TMC1: variants seen among roughly 807,000 people sequenced by gnomAD.
TMC1 encodes the protein transmembrane channel like 1, also known as transmembrane channel-like protein 1.
TMC1 carries 84 observed loss-of-function variants against 105.8 expected under a neutral mutation model. That is an observed-to-expected ratio of 0.79 (90% confidence interval 0.67 to 0.95). The LOEUF is 0.95. TMC1 is among the 40% of genes least tolerant of loss of function. The pLI is 0.00. For synonymous variants in TMC1, 315 were observed against 311.5 expected, an observed-to-expected ratio of 1.01 and a Z score of -0.12; for missense variants, 817 against 914.1, an observed-to-expected ratio of 0.89 and a Z score of 1.37.
intron 2 of TMC1, among the ~76,000 whole-genome samples, chr9:72,612,204 T>G (rs1191602716): frequency 6.6e-6 from 1 of 152,150 alleles, no homozygotes; most frequent in Non-Finnish European, 1.5e-5. Flanking sequence ...CTATATCTGT[T>G]CAATTGCCTA....
At chr9:72,600,784 G>A (rs765477810) in intron 2 of TMC1, among the ~76,000 whole-genome samples, 47 of 151,916 alleles carry the variant, frequency 3.1e-4, no homozygotes, top group African/African-American at 1.1e-3. Context: ...TCCTATGAGC[G>A]TGGTTCTCAA....
intron 1 of TMC1, among the ~76,000 whole-genome samples, chr9:72,557,458 C>G (rs1823962530): frequency 6.6e-6 from 1 of 152,142 alleles, no homozygotes; most frequent in Non-Finnish European, 1.5e-5. Flanking sequence ...CTCTACTGTT[C>G]TAAAAAACTT....
chr9:72,555,263 T>G (rs1276664045), intron 1 of TMC1, among the ~76,000 whole-genome samples: 2 of 150,366 alleles, frequency 1.3e-5, no homozygotes, highest in African/African-American at 4.9e-5. Context: ...TTGCACGTTC[T>G]CCGCTCACAG....
chr9:72,568,896 G>A (rs1415108689), intron 1 of TMC1, among the ~76,000 whole-genome samples: 1 of 152,088 alleles, frequency 6.6e-6, no homozygotes, highest in African/African-American at 2.4e-5. Context: ...GAAAATAAAA[G>A]CTAAATTGAA....
chr9:72,720,426 T>C (rs143279334), intron 8 of TMC1, among the ~76,000 whole-genome samples: 2 of 152,262 alleles, frequency 1.3e-5, no homozygotes, highest in Non-Finnish European at 2.9e-5. Context: ...TATCGTGAGA[T>C]CATGGGCAAC....
chr9:72,681,048 A>G (rs769358317), intron 5 of TMC1, among the ~76,000 whole-genome samples: 1 of 152,214 alleles, frequency 6.6e-6, no homozygotes, highest in Admixed American at 6.5e-5. Flanking sequence ...ACCCAAGGAT[A>G]TAAGCACAGC....
intron 5 of TMC1, among the ~76,000 whole-genome samples, chr9:72,654,715 T>G (rs535776694): frequency 6.6e-6 from 1 of 152,240 alleles, no homozygotes; most frequent in South Asian, 2.1e-4. Flanking sequence ...GTTTAAATAT[T>G]AAATTCTTTA....
chr9:72,742,652 A>T, intron 10 of TMC1, 127 bp downstream of exon 10: 1 of 825,144 alleles, frequency 1.2e-6, no homozygotes, highest in African/African-American at 1.7e-5. Context: ...ACAAACAAAA[A>T]CCAAATCAAC....
intron 1 of TMC1, among the ~76,000 whole-genome samples, chr9:72,561,769 C>T (rs533657888): frequency 2.6e-5 from 4 of 152,176 alleles, no homozygotes; most frequent in Non-Finnish European, 5.9e-5. Context: ...AATTCTGCCT[C>T]AACTGCTTCT....
intron 5 of TMC1, among the ~76,000 whole-genome samples, chr9:72,663,038 G>T (rs1825990918): frequency 1.3e-5 from 2 of 152,204 alleles, no homozygotes; most frequent in Admixed American, 1.3e-4. Context: ...TTCATACAGA[G>T]CCAGCTGAAT....
chr9:72,661,064 A>G (rs1347079786), intron 5 of TMC1, among the ~76,000 whole-genome samples: 1 of 152,162 alleles, frequency 6.6e-6, no homozygotes, highest in Non-Finnish European at 1.5e-5. Context: ...AGGCAGGAGA[A>G]TCGCTTGAAC....
chr9:72,830,403 G>T, intron 21 of TMC1, 48 bp from the exon 22 acceptor site: 1 of 1,276,550 alleles, frequency 7.8e-7, no homozygotes, highest in South Asian at 1.2e-5. Context: ...AAGTATCTTG[G>T]GGAACTGAAA....
chr9:72,612,031 T>G (rs1171897635), intron 2 of TMC1, among the ~76,000 whole-genome samples: 1 of 151,986 alleles, frequency 6.6e-6, no homozygotes, highest in Non-Finnish European at 1.5e-5. Flanking sequence ...CTGTTTGGAT[T>G]TTGCCCTTGG....
intron 2 of TMC1, among the ~76,000 whole-genome samples, chr9:72,614,551 AT>A (rs966066164): frequency 2.0e-5 from 3 of 152,290 alleles, no homozygotes; most frequent in Admixed American, 2.0e-4. Context: ...TTTGTGATTA[AT>A]TTTTGCAAGG....
intron 8 of TMC1, among the ~76,000 whole-genome samples, chr9:72,725,323 A>ATGTG (rs368040023): frequency 1.7e-3 from 185 of 106,238 alleles, no homozygotes; most frequent in African/African-American, 6.0e-3. Flanking sequence ...TTATGTGTGT[A>ATGTG]TGTATATATA....
chr9:72,534,005 C>T (rs770633795), intron 1 of TMC1, among the ~76,000 whole-genome samples: 39 of 152,036 alleles, frequency 2.6e-4, no homozygotes, highest in Admixed American at 3.9e-4. Flanking sequence ...TGATGGTGCA[C>T]GCCTGTAATC....
At chr9:72,582,831 C>G (rs1339687956) in intron 2 of TMC1, among the ~76,000 whole-genome samples, 4 of 152,166 alleles carry the variant, frequency 2.6e-5, no homozygotes, top group Admixed American at 6.5e-5. Flanking sequence ...ACTTGTTAAA[C>G]CCACACTAAA....
At chr9:72,550,657 CAAAA>C (rs71493659) in intron 1 of TMC1, among the ~76,000 whole-genome samples, 893 of 61,794 alleles carry the variant, frequency 0.014, 16 homozygotes, top group African/African-American at 0.054. Context: ...GACTCCATCT[CAAAA>C]AAAAAAAAAA....
chr9:72,730,279 G>GTAAATTCA (rs1419246656), intron 8 of TMC1, among the ~76,000 whole-genome samples: 2 of 152,050 alleles, frequency 1.3e-5, no homozygotes, highest in East Asian at 3.9e-4. Context: ...CCTGCCCTGG[G>GTAAATTCA]GAAGGGGAAT....
Sources: allele counts gnomAD v4.1 joint callset (sites outside exome capture counted in the v4.1 genomes callset), GRCh38; gene constraint gnomAD v4.1.1; transcripts MANE v1.5; gene names NCBI Gene and HGNC (gene_info 2026-07-23, HGNC 2026-07-21).